CNTN6: variants seen among roughly 807,000 people sequenced by gnomAD.
CNTN6 encodes contactin-6.
CNTN6 carries 137 observed loss-of-function variants against 122.8 expected under a neutral mutation model. That is an observed-to-expected ratio of 1.12 (90% confidence interval 0.97 to 1.29). CNTN6 has a LOEUF of 1.29. Among genes scored for constraint, CNTN6 ranks in the 50% most tolerant of loss-of-function variants. CNTN6 has a pLI of 0.00. For synonymous variants in CNTN6, 570 were observed against 426.0 expected, an observed-to-expected ratio of 1.34 and a Z score of -4.16; for missense variants, 1,634 against 1,223.4, an observed-to-expected ratio of 1.34 and a Z score of -5.01.
intron 1 of CNTN6, among the ~76,000 whole-genome samples, chr3:1,107,977 G>A (rs546730161): frequency 1.3e-4 from 20 of 152,140 alleles, no homozygotes; most frequent in African/African-American, 4.8e-4. Context: ...CTCCAGTTGT[G>A]ATGATAAATA....
intron 7 of CNTN6, among the ~76,000 whole-genome samples, chr3:1,315,610 A>C (rs1262980361): frequency 6.6e-6 from 1 of 151,990 alleles, no homozygotes; most frequent in Non-Finnish European, 1.5e-5. Context: ...ATGATTATTA[A>C]TATTATTTTA....
intron 1 of CNTN6, among the ~76,000 whole-genome samples, chr3:1,095,469 TCAAA>T (rs539052718): frequency 5.3e-5 from 8 of 152,074 alleles, no homozygotes; most frequent in East Asian, 1.9e-4. Context: ...AAACTCCATC[TCAAA>T]CAAACAAACA....
At position 1,228,003 on chromosome 3, in the gene CNTN6, G is replaced by C; in HGVS notation, c.358+10G>C. ...AAGCTCCAATTTGCATGTGAGTTTG[G>C]GGTAAATTTTGTAATCTTTGTCTCT... On this transcript the variant is annotated intron_variant, in intron 4 of 22. Transcript: ENST00000446702. The C allele has an allele frequency of 1.2e-6, 2 of 1,608,552 alleles. No individual in the cohort carries two copies. Among genetic ancestry groups the C allele is most frequent in the Non-Finnish European group, 1.7e-6 (2 of 1,177,090 alleles).
intron 1 of CNTN6, among the ~76,000 whole-genome samples, chr3:1,137,052 C>A (rs989935386): frequency 1.2e-4 from 18 of 152,184 alleles, no homozygotes; most frequent in African/African-American, 4.3e-4. Flanking sequence ...TACCTCCTGG[C>A]ACCCCATTCT....
At chr3:1,145,242 T>G (rs935542573) in intron 1 of CNTN6, among the ~76,000 whole-genome samples, 1 of 152,210 alleles carries the variant, frequency 6.6e-6, no homozygotes, top group Non-Finnish European at 1.5e-5. Context: ...ACACTTTTTC[T>G]GATAATATTG....
intron 1 of CNTN6, among the ~76,000 whole-genome samples, chr3:1,142,684 T>C (rs1481522912): frequency 6.6e-6 from 1 of 152,028 alleles, no homozygotes; most frequent in Non-Finnish European, 1.5e-5. Flanking sequence ...CCTGCCTTTG[T>C]AGCACTAAAA....
intron 11 of CNTN6, among the ~76,000 whole-genome samples, chr3:1,347,039 T>C (rs1445913499): frequency 6.6e-6 from 1 of 152,194 alleles, no homozygotes; most frequent in Non-Finnish European, 1.5e-5. Flanking sequence ...ACTTATCAGT[T>C]AAACTTGAAA....
chr3:1,262,291 G>T (rs1254078293), intron 4 of CNTN6, among the ~76,000 whole-genome samples: 1 of 152,100 alleles, frequency 6.6e-6, no homozygotes, highest in Admixed American at 6.6e-5. Flanking sequence ...GAGATGTTAT[G>T]GGGGCATGAA....
chr3:1,264,528 A>G (rs879309057), intron 4 of CNTN6, among the ~76,000 whole-genome samples: 6 of 152,174 alleles, frequency 3.9e-5, no homozygotes, highest in Non-Finnish European at 8.8e-5. Context: ...ACTGTAACCT[A>G]TAACTTAAAC....
At chr3:1,232,390 T>C (rs2094363615) in intron 4 of CNTN6, among the ~76,000 whole-genome samples, 1 of 152,142 alleles carries the variant, frequency 6.6e-6, no homozygotes, top group African/African-American at 2.4e-5. Flanking sequence ...AAAGATTAAA[T>C]GGTAGATAAG....
At chr3:1,188,733 G>A (rs902206041) in intron 2 of CNTN6, among the ~76,000 whole-genome samples, 6 of 152,146 alleles carry the variant, frequency 3.9e-5, no homozygotes, top group Admixed American at 6.6e-5. Flanking sequence ...TTTAAATATA[G>A]GAAAAGAGAA....
chr3:1,297,900 GA>G lies in CNTN6; in HGVS notation c.672del (p.Glu224AspfsTer22), dbSNP rs1696552535. On this transcript the variant is annotated frameshift_variant, in exon 7 of 23. Coordinates refer to ENST00000446702, the MANE Select transcript of CNTN6 (RefSeq NM_001289080.2). LOFTEE classifies it high-confidence loss of function. Reference protein sequence around the residue: ...LVQRTDGVMGEYEPKIEVRFP... With the variant: ...LVQRTDGVMGXYEPKIEVRFP... ...TTGATATTTAACAGGTGTGATGGGG[GA>G]ATATGAACCAAAGATTGAAGTGCGT... 1.2e-6 allele frequency: 2 copies of G among 1,611,006 alleles called. No individual in the cohort carries two copies. Among genetic ancestry groups the G allele is most frequent in the South Asian group, 1.1e-5 (1 of 90,308 alleles).
At chr3:1,400,318 T>C (rs989611842) in intron 20 of CNTN6, among the ~76,000 whole-genome samples, 35 of 152,186 alleles carry the variant, frequency 2.3e-4, no homozygotes, top group African/African-American at 7.7e-4. Flanking sequence ...AACACTAGAC[T>C]GAAAGCGCTA....
At chr3:1,220,292 C>T (rs988063642) in intron 2 of CNTN6, among the ~76,000 whole-genome samples, 5 of 152,098 alleles carry the variant, frequency 3.3e-5, no homozygotes, top group Non-Finnish European at 7.3e-5. Context: ...GCTATGATCA[C>T]ACTACTGCAC....
chr3:1,301,160 C>T (rs941414706), intron 7 of CNTN6, among the ~76,000 whole-genome samples: 2 of 151,450 alleles, frequency 1.3e-5, no homozygotes, highest in African/African-American at 4.9e-5. Context: ...CCTCAGCCTC[C>T]AGAGTAGCTG....
chr3:1,403,853 T>A lies in CNTN6; in HGVS notation c.*435T>A, dbSNP rs1320450355. 1.3e-5 allele frequency: 2 copies of A among 152,300 alleles called. No individual in the cohort carries two copies. The highest frequency in any genetic ancestry group is 2.9e-5 in the Non-Finnish European group (2 of 68,160). The allele number at this position is 152,300 out of a possible 1,614,324, so 9.4% of individuals were successfully genotyped here. On this transcript the variant is annotated 3_prime_UTR_variant, in exon 23 of 23. Coordinates refer to ENST00000446702, the MANE Select transcript of CNTN6 (RefSeq NM_001289080.2). ...ATAAAATACAATTATTTGTTTATAGTTGGGATTCTTTAAAAATACAAACTA... is the reference window on the plus strand; with the variant it reads ...ATAAAATACAATTATTTGTTTATAGATGGGATTCTTTAAAAATACAAACTA...
intron 5 of CNTN6, among the ~76,000 whole-genome samples, chr3:1,284,443 T>C (rs1694007360): frequency 6.6e-6 from 1 of 152,124 alleles, no homozygotes; most frequent in African/African-American, 2.4e-5. Flanking sequence ...TCTCTGAAAG[T>C]GTAAAAGGCA....
intron 4 of CNTN6, 75 bp downstream of exon 4, chr3:1,228,068 C>G (rs764915790): frequency 7.2e-7 from 1 of 1,388,700 alleles, no homozygotes; most frequent in Admixed American, 2.0e-5. Flanking sequence ...TTTTAAAAAT[C>G]TAGCTTTGCC....
At chr3:1,379,618 A>C (rs1710367917) in intron 17 of CNTN6, among the ~76,000 whole-genome samples, 1 of 152,166 alleles carries the variant, frequency 6.6e-6, no homozygotes. Flanking sequence ...CCTCTACAGA[A>C]AAAGCATACT....
Sources: allele counts gnomAD v4.1 joint callset (sites outside exome capture counted in the v4.1 genomes callset), GRCh38; gene constraint gnomAD v4.1.1; transcripts MANE v1.5; gene names NCBI Gene and HGNC (gene_info 2026-07-23, HGNC 2026-07-21).